The following FAXDC2 variants were observed in gnomAD, a reference collection of about 807,000 sequenced individuals.
FAXDC2 encodes fatty acid hydroxylase domain containing 2.
In FAXDC2, 41 loss-of-function variants were observed where a neutral mutation model predicts 40.9. The observed-to-expected ratio is 1.00, with a 90% confidence interval of 0.78 to 1.30. The LOEUF (loss-of-function observed/expected upper bound fraction) is 1.30, where lower values mean the gene tolerates loss of function less well. Ranked by LOEUF, FAXDC2 falls within the 50% of genes most tolerant of loss-of-function variation. FAXDC2 has a pLI of 0.00. For synonymous variants in FAXDC2, 157 were observed against 149.3 expected (o/e 1.05, Z -0.38); for missense variants, 390 against 408.8 (o/e 0.95, Z 0.40).
At chr5:154,834,801 A>G (rs1464071069) in intron 3 of FAXDC2, 42 bp downstream of exon 3, 19 of 1,591,496 alleles carry the variant, frequency 1.2e-5, no homozygotes, top group Non-Finnish European at 8.6e-7. Flanking sequence ...TCTGCCCCCG[A>G]CCACCACCAC....
chr5:154,843,058 T>C (rs771420070), intron 1 of FAXDC2, among the ~76,000 whole-genome samples: 3 of 152,218 alleles, frequency 2.0e-5, no homozygotes, highest in Non-Finnish European at 2.9e-5. Flanking sequence ...TGCAAACCAT[T>C]TGAAAACAGG....
chr5:154,838,641 C>T (rs972709599), intron 1 of FAXDC2: 3 of 186,050 alleles, frequency 1.6e-5, no homozygotes, highest in Middle Eastern at 2.2e-3. Flanking sequence ...CTCTGTCGCC[C>T]AGGCTGGAGT....
At chr5:154,843,755 A>C (rs1321022672) in intron 1 of FAXDC2, among the ~76,000 whole-genome samples, 2 of 152,260 alleles carry the variant, frequency 1.3e-5, no homozygotes, top group African/African-American at 4.8e-5. Context: ...TAGCCATTGA[A>C]GACATTCCTT....
At chr5:154,823,767 C>G (rs1334225988) in intron 5 of FAXDC2, 175 bp from the exon 6 acceptor site, 1 of 602,722 alleles carries the variant, frequency 1.7e-6, no homozygotes, top group Non-Finnish European at 3.0e-6. Flanking sequence ...GAATAAGGCC[C>G]TGGCTGCTAG....
intron 5 of FAXDC2, among the ~76,000 whole-genome samples, chr5:154,827,475 G>C (rs1168119425): frequency 6.9e-6 from 1 of 144,300 alleles, no homozygotes; most frequent in East Asian, 2.1e-4. Flanking sequence ...CTGTTTTTTT[G>C]TGAGAGAGGA....
intron 2 of FAXDC2, chr5:154,836,377 T>C (rs546674415): frequency 6.6e-6 from 1 of 152,344 alleles, no homozygotes; most frequent in Non-Finnish European, 1.5e-5. Context: ...GTGAGCTCGA[T>C]GACCAAACAA....
intron 5 of FAXDC2, chr5:154,823,817 C>A: frequency 1.9e-6 from 1 of 537,260 alleles, no homozygotes; most frequent in Non-Finnish European, 3.4e-6. Flanking sequence ...ACTTCAGCAG[C>A]CTTCAGTCTG....
chr5:154,834,979 C>G (rs557297691), intron 2 of FAXDC2, 45 bp from the exon 3 acceptor site: 1 of 1,245,854 alleles, frequency 8.0e-7, no homozygotes, highest in South Asian at 1.3e-5. Flanking sequence ...AGCCTCCTGC[C>G]TTTACACCCA....
intron 1 of FAXDC2, among the ~76,000 whole-genome samples, chr5:154,845,958 GTA>G (rs372753466): frequency 1.3e-3 from 192 of 147,966 alleles, no homozygotes; most frequent in African/African-American, 4.2e-3. Context: ...GCTAATTTTT[GTA>G]TATATATATA....
rs772426610 is a variant in FAXDC2, at chr5:154,842,512, GTTTTTTTTTTT to G, written c.1-4345_1-4335del. 1.1e-3 allele frequency among the ~76,000 whole-genome samples: 57 copies of G among 51,612 alleles called. No homozygotes were observed. The South Asian group carries it at 0.019, about 17-fold the overall frequency. The allele number at this position is 51,612 out of a possible 152,430, so 33.9% of individuals were successfully genotyped here. ...AGCCACTGCGCTCAGCCCTTTGTGT[GTTTTTTTTTTT>G]TTTTTTTTTTTTTTTTTGAGACAGA... On this transcript the variant is annotated intron_variant, in intron 1 of 8. Coordinates refer to ENST00000326080, the MANE Select transcript of FAXDC2 (RefSeq NM_032385.5).
At chr5:154,823,654 C>A in intron 5 of FAXDC2, 62 bp from the exon 6 acceptor site, 1 of 1,400,108 alleles carries the variant, frequency 7.1e-7, no homozygotes, top group Non-Finnish European at 1.0e-6. Context: ...CCACCGTGAC[C>A]TGCTTACAGG....
In FAXDC2 at chr5:154,821,412, T is replaced by C. The variant is rs368827829; in HGVS notation, c.693A>G (p.Leu231=). Residue 231 remains leucine (L), a synonymous_variant, in exon 8 of 9, where the codon CTA becomes CTG. Transcript: ENST00000326080. ...HPIEHAVSNM[L]PVIVGPLVMG... ...TTACTAATGGGCCCACTATCACCGG[T>C]AGCATGTTGGAGACCTGCAAGAGGA... is the stretch of plus-strand genomic sequence containing the variant. 15 of 1,611,582 alleles carry C rather than the reference T, an allele frequency of 9.3e-6. No individual in the cohort carries two copies. The highest frequency in any genetic ancestry group is 3.3e-4 in the Middle Eastern group (2 of 6,064).
chr5:154,823,790 T>C, intron 5 of FAXDC2, 198 bp from the exon 6 acceptor site: 1 of 571,700 alleles, frequency 1.7e-6, no homozygotes, highest in Non-Finnish European at 3.1e-6. Context: ...AGGTGAGTAA[T>C]ACCCCTGTCC....
chr5:154,848,039 C>CCGTGTTT (rs2113176145), intron 1 of FAXDC2, among the ~76,000 whole-genome samples: 1 of 152,158 alleles, frequency 6.6e-6, no homozygotes, highest in South Asian at 2.1e-4. Flanking sequence ...CAGGGTTTCA[C>CCGTGTTT]CATGTTAGCC....
At chr5:154,824,846 T>A in intron 5 of FAXDC2, 1 of 308,754 alleles carries the variant, frequency 3.2e-6, no homozygotes, top group Non-Finnish European at 6.1e-6. Flanking sequence ...CCCAGCACTT[T>A]GGGAGGTGGA....
chr5:154,842,631 T>A (rs1011317479), intron 1 of FAXDC2, among the ~76,000 whole-genome samples: 4 of 141,616 alleles, frequency 2.8e-5, no homozygotes, highest in African/African-American at 7.9e-5. Flanking sequence ...CAGGCAATTC[T>A]CCTGCCTCAG....
At chr5:154,848,082 G>A (rs933155114) in intron 1 of FAXDC2, among the ~76,000 whole-genome samples, 110 of 151,488 alleles carry the variant, frequency 7.3e-4, no homozygotes, top group African/African-American at 2.6e-3. Context: ...CTTGTGATCC[G>A]CCCGCCTCGG....
At chr5:154,828,922 CTTTTTTTTT>C (rs374113320) in intron 5 of FAXDC2, among the ~76,000 whole-genome samples, 2 of 132,488 alleles carry the variant, frequency 1.5e-5, no homozygotes, top group Admixed American at 7.7e-5. Context: ...TTCTTTTTTT[CTTTTTTTTT>C]TTTTTTGAGG....
intron 1 of FAXDC2, 41 bp from the exon 2 acceptor site, chr5:154,838,219 A>G (rs1318227322): frequency 1.2e-6 from 2 of 1,600,176 alleles, no homozygotes; most frequent in Non-Finnish European, 8.5e-7. Flanking sequence ...AGTTATTTTC[A>G]TAAACATCTA....
Sources: gnomAD v4.1 joint callset for allele counts (sites outside exome capture counted in the v4.1 genomes callset) on GRCh38, gnomAD v4.1.1 for gene constraint, MANE v1.5 for transcripts, NCBI Gene and HGNC (gene_info 2026-07-23, HGNC 2026-07-21) for gene names.